The following BMP4 variants were observed in gnomAD, a reference collection of about 807,000 sequenced individuals.
BMP4 encodes bone morphogenetic protein 2B.
BMP4 carries 3 observed loss-of-function variants against 29.6 expected under a neutral mutation model. That is an observed-to-expected ratio of 0.10 (90% CI 0.05 to 0.26). The LOEUF is 0.26. Ranked by LOEUF, BMP4 falls within the 10% of genes least tolerant of loss-of-function variation. BMP4 has a pLI of 1.00. For missense variants in BMP4, 455 were observed against 550.2 expected (o/e 0.83, Z 1.73); for synonymous variants, 197 against 213.2 (o/e 0.92, Z 0.66).
chr14:53,956,229 G>A (rs1312709562), intron 1 of BMP4, among the ~76,000 whole-genome samples: 2 of 151,918 alleles, frequency 1.3e-5, no homozygotes, highest in African/African-American at 2.4e-5. Flanking sequence ...CCTCCAGCCC[G>A]TGGGCAACGC....
At chr14:53,951,818 G>A in intron 3 of BMP4, 35 bp downstream of exon 3, 1 of 1,596,796 alleles carries the variant, frequency 6.3e-7, no homozygotes, top group South Asian at 1.1e-5. Context: ...AGTCCCACCA[G>A]CCCTCCCCCA....
At position 53,950,010 on chromosome 14, in the gene BMP4, T is replaced by C. The variant is rs1345569984; in HGVS notation, c.*22A>G. Reference sequence around the variant, plus strand: ...TGTGTGTGTGGTGTGTATATCTGTCTATCCTCAAGGACTGCCTGATCTCAG... The same window carrying C: ...TGTGTGTGTGGTGTGTATATCTGTCCATCCTCAAGGACTGCCTGATCTCAG... On this transcript the variant is annotated 3_prime_UTR_variant, in exon 4 of 4. Transcript: ENST00000245451. This position sits in a 1 kb window ranked among gnomAD's most constrained non-coding sequence, Gnocchi z 5.4. 9.3e-6 allele frequency: 15 copies of C among 1,613,536 alleles called. No individual in the cohort carries two copies. The highest frequency in any genetic ancestry group is 1.3e-5 in the Non-Finnish European group (15 of 1,179,886).
At position 53,951,925 on chromosome 14, in the gene BMP4, G is replaced by T; in HGVS notation, c.298C>A (p.His100Asn). 1 of 1,605,518 alleles carries T rather than the reference G, an allele frequency of 6.2e-7. No homozygotes were observed. Among genetic ancestry groups the T allele is most frequent in the Non-Finnish European group, 8.5e-7 (1 of 1,179,960 alleles). Residue 100 changes from histidine to asparagine, a missense_variant, in exon 3 of 4, where the codon CAC (histidine) becomes AAC (asparagine). Physicochemically the swap from His to Asn is moderately conservative, Grantham distance 68. Around this residue, in one of 4 missense-constraint regions of BMP4, gnomAD observed 249 missense variants for 284.6 expected, o/e 0.87. Coordinates refer to ENST00000245451, the MANE Select transcript of BMP4 (RefSeq NM_001202.6). The stretch of plus-strand genomic sequence containing the variant: ...TCAGGATACTCAAGACCAGTGCTGT[G>T]GATCTGCTCTTCCTCCTCCTCCCCA... ...QSGEEEEEQI[H>N]STGLEYPERP...
chr14:53,956,493 C>A (rs569110086), intron 1 of BMP4, 57 bp downstream of exon 1: 4 of 399,372 alleles, frequency 1.0e-5, no homozygotes, highest in Admixed American at 4.4e-5. Flanking sequence ...TTCTTCCCCC[C>A]AAGGAGGCTC....
rs777606324 is a variant in BMP4, at chr14:53,952,104, C to T, written c.119G>A (p.Gly40Asp). Residue 40 changes from glycine (G) to aspartate (D), a missense_variant, in exon 3 of 4, where the codon GGC becomes GAC. By Grantham distance (94) the Gly-to-Asp change is moderately conservative (BLOSUM62 -1). This residue lies in a region of BMP4 where 249 missense variants were observed against 284.6 expected (regional missense o/e 0.87). Coordinates refer to ENST00000245451, the MANE Select transcript of BMP4 (RefSeq NM_001202.6). Reference protein sequence around the residue: ...TGKKKVAEIQGHAGGRRSGQS... With the variant: ...TGKKKVAEIQDHAGGRRSGQS... ...CCCTGAGCGGCGTCCTCCCGCGTGG[C>T]CCTGAATCTCGGCGACTTTTTTCTT... The T allele has an allele frequency of 3.2e-5, 52 of 1,613,616 alleles. 1 individual carries two copies. The South Asian group carries it at 5.4e-4, about 17-fold the overall frequency.
chr14:53,953,441 C>A, intron 1 of BMP4, 41 bp from the exon 2 acceptor site: 1 of 398,856 alleles, frequency 2.5e-6, no homozygotes, highest in East Asian at 3.6e-5. Flanking sequence ...CCACCGCAGA[C>A]AGGCTCTGTT....
chr14:53,956,511 C>T, intron 1 of BMP4, 39 bp downstream of exon 1: 1 of 399,672 alleles, frequency 2.5e-6, no homozygotes, highest in Non-Finnish European at 4.4e-6. Context: ...CTCCTAGACC[C>T]CCTCTGCCTG....
In BMP4 at chr14:53,950,242, C is replaced by G. The variant is rs1183353186; in HGVS notation, c.1017G>C (p.Gly339=). 1.9e-6 allele frequency: 3 copies of G among 1,614,196 alleles called. No individual in the cohort carries two copies. The highest frequency in any genetic ancestry group is 2.5e-6 in the Non-Finnish European group (3 of 1,180,030). Reference sequence around the variant, plus strand: ...GGTCAGCCAGTGGAAAGGGGCAGTCCCCATGGCAGTAGAAGGCCTGGTAGC... The same window carrying G: ...GGTCAGCCAGTGGAAAGGGGCAGTCGCCATGGCAGTAGAAGGCCTGGTAGC... ...PPGYQAFYCH[G]DCPFPLADHL... Residue 339 remains glycine (G), a synonymous_variant, in exon 4 of 4, where the codon GGG becomes GGC. Transcript: ENST00000245451. This position sits in a 1 kb window ranked among gnomAD's most constrained non-coding sequence, Gnocchi z 5.4.
chr14:53,952,214 A>G lies in BMP4; in HGVS notation c.9T>C (p.Pro3=), dbSNP rs1895474794. MI[P]GNRMLMVVLL... ...AAACGACCATCAGCATTCGGTTACC[A>G]GGAATCATGGTGTCTCTGGGGAGGG... The change falls in exon 3 of 4, where the codon CCT becomes CCC. Residue 3 remains proline (P), a synonymous_variant. Transcript: ENST00000245451. 1 of 1,614,024 alleles carries G rather than the reference A, an allele frequency of 6.2e-7. No homozygotes were observed. The highest frequency in any genetic ancestry group is 1.7e-5 in the Admixed American group (1 of 60,010).
Position 53,949,775 on chromosome 14 carries a change from T to C in BMP4, c.*257A>G. 2.5e-6 allele frequency: 1 copy of C among 394,280 alleles called. No individual in the cohort carries two copies. The highest frequency in any genetic ancestry group is 4.2e-5 in the East Asian group (1 of 23,590). 24.4% of individuals were successfully genotyped at this position (394,280 alleles called of 1,614,324 possible). A position where few individuals can be genotyped will look rare whatever the true frequency, so the allele number is the denominator to read the frequency against. On this transcript the variant is annotated 3_prime_UTR_variant, in exon 4 of 4. Coordinates refer to ENST00000245451, the MANE Select transcript of BMP4 (RefSeq NM_001202.6). The stretch of plus-strand genomic sequence containing the variant: ...AATGACTCATTTTATTTTTTTCTTT[T>C]AATACGTAGTTATAAATATATTTTG...
rs528996356 is a variant in BMP4, at chr14:53,950,985, G to C, written c.371-97C>G. The C allele has an allele frequency of 5.6e-5, 85 of 1,509,982 alleles. 2 individuals carry two copies. The South Asian group carries it at 8.2e-4, about 15-fold the overall frequency. 93.5% of individuals were successfully genotyped at this position (1,509,982 alleles called of 1,614,324 possible). ...GATAGCTCAGGGTTGGGCAATGAAT[G>C]GTGAATTCTGCTTATGCAGGGGAAA... On this transcript the variant is annotated intron_variant, in intron 3 of 3. Coordinates refer to ENST00000245451, the MANE Select transcript of BMP4 (RefSeq NM_001202.6). This position sits in a 1 kb window ranked among gnomAD's most constrained non-coding sequence, Gnocchi z 5.4.
Position 53,951,395 on chromosome 14 carries a change from G to T in BMP4, c.370+458C>A, listed in dbSNP as rs1369775984. On this transcript the variant is annotated intron_variant, in intron 3 of 3. Coordinates refer to ENST00000245451, the MANE Select transcript of BMP4 (RefSeq NM_001202.6). Reference sequence around the variant, plus strand: ...ATGCCTTGTTGATCATGTTACAGAGGGGAAAATAAATTCCAACACAGTAAT... The same window carrying T: ...ATGCCTTGTTGATCATGTTACAGAGTGGAAAATAAATTCCAACACAGTAAT... 3 of 206,596 alleles carry T rather than the reference G, an allele frequency of 1.5e-5. No individual in the cohort carries two copies. In the East Asian group the frequency reaches 3.7e-4, roughly 25 times the overall value. 12.8% of individuals were successfully genotyped at this position (206,596 alleles called of 1,614,324 possible).
chr14:53,953,575 G>A (rs530114992), intron 1 of BMP4, 175 bp from the exon 2 acceptor site: 5 of 371,916 alleles, frequency 1.3e-5, no homozygotes, highest in Admixed American at 4.6e-5. Context: ...CCCTCCAGGC[G>A]AGGCCAACCT....
Position 53,951,774 on chromosome 14 carries a change from C to G in BMP4, c.370+79G>C, listed in dbSNP as rs750017710. On this transcript the variant is annotated intron_variant, in intron 3 of 3. Coordinates refer to ENST00000245451, the MANE Select transcript of BMP4 (RefSeq NM_001202.6). ...CTGGGGCTTTGATGTAACCCGAACT[C>G]TTCTTCCCCAGGGCTTTCACTGCCC... 4 of 1,560,194 alleles carry G rather than the reference C, an allele frequency of 2.6e-6. No individual in the cohort carries two copies. The South Asian group carries it at 3.5e-5, about 14-fold the overall frequency.
chr14:53,951,322 T>C (rs1895396920), intron 3 of BMP4: 2 of 241,830 alleles, frequency 8.3e-6, no homozygotes, highest in East Asian at 1.1e-4. Context: ...TCTTCCACTA[T>C]TGAGTATGTT....
rs1347000643 is a variant in BMP4 at position 53,950,454 on chromosome 14, G to A, written c.805C>T (p.Arg269Trp). 2 of 1,613,808 alleles carry A rather than the reference G, an allele frequency of 1.2e-6. No homozygotes were observed. The highest frequency in any genetic ancestry group is 1.3e-5 in the African/African-American group (1 of 74,956). The change falls in exon 4 of 4, where the codon CGG (arginine) becomes TGG (tryptophan). Residue 269 changes from arginine (R) to tryptophan (W), a missense_variant. Transcript: ENST00000245451. This position sits in a 1 kb window ranked among gnomAD's most constrained non-coding sequence, Gnocchi z 5.4. ...TGGCCAAAGGTGACCAGGAGGGGCC[G>A]GAGCTGGGCCCAATTCCCACTCCCT... ...PQGSGNWAQL[R>W]PLLVTFGHDG... is the part of the protein sequence containing the mutation.
chr14:53,950,785 A>C lies in BMP4; in HGVS notation c.474T>G (p.Leu158=). 1 of 1,613,638 alleles carries C rather than the reference A, an allele frequency of 6.2e-7. No individual in the cohort carries two copies. Among genetic ancestry groups the C allele is most frequent in the Non-Finnish European group, 8.5e-7 (1 of 1,180,000 alleles). ...GGTCCACCTGCTCCCGGAAGAGCCG[A>C]AGCTCTGCAGAGGAGATCACCTCGT... ...PENEVISSAE[L]RLFREQVDQG... is the part of the protein sequence containing the mutation. Residue 158 remains leucine, a synonymous_variant, in exon 4 of 4, where the codon CTT becomes CTG. Coordinates refer to ENST00000245451, the MANE Select transcript of BMP4 (RefSeq NM_001202.6). The surrounding 1 kb of genome is among the most constrained non-coding windows in gnomAD (Gnocchi z 5.4).
chr14:53,951,787 G>A, intron 3 of BMP4, 66 bp downstream of exon 3: 1 of 1,575,840 alleles, frequency 6.3e-7, no homozygotes. Context: ...CTTCCCCAGG[G>A]CTTTCACTGC....
At position 53,954,112 on chromosome 14, in the gene BMP4, G is replaced by T. The variant is rs1216350240; in HGVS notation, c.-132-712C>A. Among the ~76,000 whole-genome samples the T allele has an allele frequency of 2.0e-5, 3 of 152,190 alleles. No homozygotes were observed. Among genetic ancestry groups the T allele is most frequent in the African/African-American group, 7.2e-5 (3 of 41,450 alleles). ...AAGCAGCCGACCTTGTCACGCGCGG[G>T]GCCGGGAATGGGAGGGAGGGTGTTA... On this transcript the variant is annotated intron_variant, in intron 1 of 3. Transcript: ENST00000245451. This position sits in a 1 kb window ranked among gnomAD's most constrained non-coding sequence, Gnocchi z 4.8.
Sources: allele counts gnomAD v4.1 joint callset (sites outside exome capture counted in the v4.1 genomes callset), GRCh38; gene constraint gnomAD v4.1.1; regional missense constraint gnomAD v4.1.1; non-coding constraint Gnocchi (gnomAD v3.1); transcripts MANE v1.5; gene names NCBI Gene and HGNC (gene_info 2026-07-23, HGNC 2026-07-21).